The following PTPRK variants were observed in gnomAD, a reference collection of about 807,000 sequenced individuals.
PTPRK encodes protein tyrosine phosphatase receptor type K.
Under a neutral mutation model 178.0 loss-of-function variants are expected in PTPRK, and 75 were observed. The ratio of observed to expected loss-of-function variants is 0.42; its 90% CI spans 0.35 to 0.51. The LOEUF (loss-of-function observed/expected upper bound fraction) is 0.51. PTPRK is among the 20% of genes least tolerant of loss of function. PTPRK has a pLI of 0.02. For missense variants in PTPRK, 1,441 were observed against 1,797.8 expected (o/e 0.80, Z 3.59); for synonymous variants, 637 against 620.6 (o/e 1.03, Z -0.39).
At chr6:128,413,607 T>C (rs1442807656) in intron 1 of PTPRK, among the ~76,000 whole-genome samples, 3 of 152,306 alleles carry the variant, frequency 2.0e-5, no homozygotes, top group Non-Finnish European at 4.4e-5. Context: ...ACTATTCAGA[T>C]GGAATGGCAC....
intron 3 of PTPRK, among the ~76,000 whole-genome samples, chr6:128,278,123 T>TTTA (rs1821031672): frequency 2.1e-5 from 3 of 143,658 alleles, no homozygotes; most frequent in African/African-American, 5.2e-5. Flanking sequence ...TTTTTGTGTT[T>TTTA]TTTATTTATT....
chr6:128,154,344 A>G (rs1468817486), intron 7 of PTPRK, among the ~76,000 whole-genome samples: 1 of 151,832 alleles, frequency 6.6e-6, no homozygotes, highest in African/African-American at 2.4e-5. Context: ...AAAAAAATTG[A>G]GCAAAATTCA....
intron 1 of PTPRK, among the ~76,000 whole-genome samples, chr6:128,493,091 A>G (rs1424317871): frequency 6.6e-6 from 1 of 152,212 alleles, no homozygotes; most frequent in Admixed American, 6.5e-5. Context: ...ACTCAACAAT[A>G]TATGTTAAAT....
At chr6:128,052,495 G>C (rs1299946642) in intron 13 of PTPRK, among the ~76,000 whole-genome samples, 6 of 152,126 alleles carry the variant, frequency 3.9e-5, no homozygotes, top group Admixed American at 3.9e-4. Flanking sequence ...TTATAGCTCA[G>C]TTATGTTGTA....
At chr6:128,051,898 C>T (rs1469187037) in intron 13 of PTPRK, among the ~76,000 whole-genome samples, 3 of 151,696 alleles carry the variant, frequency 2.0e-5, no homozygotes, top group Non-Finnish European at 4.4e-5. Context: ...GCCTTTGTTT[C>T]TAGTGTTTTC....
intron 7 of PTPRK, among the ~76,000 whole-genome samples, chr6:128,129,661 A>G (rs1451222568): frequency 6.6e-6 from 1 of 152,224 alleles, no homozygotes; most frequent in Non-Finnish European, 1.5e-5. Flanking sequence ...TAATAAAAAC[A>G]GTGTGTACAG....
intron 7 of PTPRK, among the ~76,000 whole-genome samples, chr6:128,145,701 C>G (rs1190285491): frequency 1.3e-5 from 2 of 151,974 alleles, no homozygotes; most frequent in African/African-American, 4.8e-5. Flanking sequence ...AAAAATTAAC[C>G]ATAAGCTTTT....
chr6:128,169,223 C>T (rs539498371), intron 7 of PTPRK, among the ~76,000 whole-genome samples: 1 of 152,096 alleles, frequency 6.6e-6, no homozygotes, highest in Admixed American at 6.6e-5. Flanking sequence ...TGACACCCTA[C>T]AAAAGGATAA....
rs557472167 is a variant in PTPRK at position 128,137,522 on chromosome 6, ACAAT to A, written c.1162+46906_1162+46909del. Among the ~76,000 whole-genome samples, 263 of 152,306 alleles carry A rather than the reference ACAAT, an allele frequency of 1.7e-3. 1 individual carries two copies. The highest frequency in any genetic ancestry group is 6.0e-3 in the African/African-American group (250 of 41,584). ...TCCTCTCAAATTCTGGCAGTAAGCG[ACAAT>A]CAGTCTATATTATCCATACTACGAA... On this transcript the variant is annotated intron_variant, in intron 7 of 29. Coordinates refer to ENST00000368226, the MANE Select transcript of PTPRK (RefSeq NM_002844.4).
chr6:128,236,638 C>T (rs1177700918), intron 5 of PTPRK, among the ~76,000 whole-genome samples: 4 of 152,076 alleles, frequency 2.6e-5, no homozygotes, highest in East Asian at 3.9e-4. Flanking sequence ...TGAGCCACTG[C>T]GCCCGACCCT....
chr6:128,319,153 A>C (rs778861590), intron 3 of PTPRK, among the ~76,000 whole-genome samples: 3 of 152,204 alleles, frequency 2.0e-5, no homozygotes, highest in Non-Finnish European at 4.4e-5. Context: ...GCATCTAGGA[A>C]TAGAGGAATC....
intron 1 of PTPRK, chr6:128,518,845 T>C (rs1858492502): frequency 5.5e-6 from 2 of 366,132 alleles, no homozygotes; most frequent in Admixed American, 3.8e-5. Context: ...TGCTGCCACC[T>C]GAATCTGTTG....
chr6:128,445,734 A>G (rs192288499), intron 1 of PTPRK, among the ~76,000 whole-genome samples: 1 of 152,234 alleles, frequency 6.6e-6, no homozygotes. Flanking sequence ...TTACATTATC[A>G]TTATAGCTGT....
chr6:128,123,833 T>C (rs1478621773), intron 7 of PTPRK, among the ~76,000 whole-genome samples: 1 of 152,110 alleles, frequency 6.6e-6, no homozygotes, highest in African/African-American at 2.4e-5. Context: ...CATTGGAATT[T>C]GTCTGAATTT....
intron 22 of PTPRK, among the ~76,000 whole-genome samples, chr6:127,985,091 GGTCAC>G (rs1775790023): frequency 1.3e-5 from 2 of 151,988 alleles, no homozygotes. Flanking sequence ...TTATTTTTCT[GGTCAC>G]ACCTCAAAAT....
intron 2 of PTPRK, among the ~76,000 whole-genome samples, chr6:128,366,993 C>A (rs970197746): frequency 5.3e-5 from 8 of 152,084 alleles, no homozygotes; most frequent in African/African-American, 1.9e-4. Flanking sequence ...CAACACCAAG[C>A]AAACTTCTCG....
chr6:128,203,830 T>C (rs1389038654), intron 6 of PTPRK, among the ~76,000 whole-genome samples: 1 of 152,200 alleles, frequency 6.6e-6, no homozygotes, highest in East Asian at 1.9e-4. Flanking sequence ...ATCAATGTCA[T>C]GAAAATGGCC....
chr6:128,331,506 T>C (rs564880126), intron 2 of PTPRK, among the ~76,000 whole-genome samples: 7 of 152,108 alleles, frequency 4.6e-5, no homozygotes, highest in South Asian at 2.1e-4. Context: ...AAATTTGAAA[T>C]GATAATAAGC....
chr6:128,443,292 C>T (rs1846518757), intron 1 of PTPRK, among the ~76,000 whole-genome samples: 1 of 151,482 alleles, frequency 6.6e-6, no homozygotes, highest in Non-Finnish European at 1.5e-5. Flanking sequence ...CTGCCAGGTA[C>T]CTGGAGGAGG....
Sources: allele counts gnomAD v4.1 joint callset (sites outside exome capture counted in the v4.1 genomes callset), GRCh38; gene constraint gnomAD v4.1.1; transcripts MANE v1.5; gene names NCBI Gene and HGNC (gene_info 2026-07-23, HGNC 2026-07-21).